KCND2: variants seen among roughly 807,000 people sequenced by gnomAD.
KCND2 encodes the protein A-type voltage-gated potassium channel KCND2.
Under a neutral mutation model 54.4 loss-of-function variants are expected in KCND2, and 16 were observed. The observed-to-expected ratio is 0.29, with a 90% confidence interval of 0.20 to 0.45. KCND2 has a LOEUF of 0.45. KCND2 is among the 20% of genes least tolerant of loss of function. KCND2 has a pLI of 1.00. For missense variants in KCND2, 486 were observed against 824.2 expected, an observed-to-expected ratio of 0.59 and a Z score of 5.02; for synonymous variants, 317 against 310.7, an observed-to-expected ratio of 1.02 and a Z score of -0.21.
At chr7:120,333,559 A>G (rs529861487) in intron 1 of KCND2, among the ~76,000 whole-genome samples, 1 of 152,284 alleles carries the variant, frequency 6.6e-6, no homozygotes, top group Non-Finnish European at 1.5e-5. Context: ...TTTTTGCTGT[A>G]ATGACACAGT....
At chr7:120,732,257 A>G (rs1460552020) in intron 1 of KCND2, among the ~76,000 whole-genome samples, 8 of 152,174 alleles carry the variant, frequency 5.3e-5, no homozygotes, top group African/African-American at 1.9e-4. Context: ...GAGAAGTGGT[A>G]GCCAATGAGA....
chr7:120,327,106 A>G (rs1034545967), intron 1 of KCND2, among the ~76,000 whole-genome samples: 1 of 152,128 alleles, frequency 6.6e-6, no homozygotes, highest in Non-Finnish European at 1.5e-5. Flanking sequence ...AAAGCTTACT[A>G]TATTACTTAA....
At chr7:120,562,076 A>G (rs1208888986) in intron 1 of KCND2, among the ~76,000 whole-genome samples, 9 of 152,220 alleles carry the variant, frequency 5.9e-5, no homozygotes, top group African/African-American at 2.2e-4. Context: ...TTAATGAGTC[A>G]GCATTTGTAA....
intron 1 of KCND2, among the ~76,000 whole-genome samples, chr7:120,620,904 G>T (rs1222284764): frequency 6.6e-6 from 1 of 152,056 alleles, no homozygotes; most frequent in East Asian, 1.9e-4. Context: ...TAATTTAAAG[G>T]CATAAAATAA....
At chr7:120,485,969 C>A (rs1237150345) in intron 1 of KCND2, among the ~76,000 whole-genome samples, 3 of 152,038 alleles carry the variant, frequency 2.0e-5, no homozygotes, top group East Asian at 1.9e-4. Flanking sequence ...ATTCACTCAC[C>A]CAAGAGTTAT....
At chr7:120,746,733 A>C (rs1793012554) in intron 5 of KCND2, 3 of 152,380 alleles carry the variant, frequency 2.0e-5, no homozygotes, top group Middle Eastern at 6.8e-3. Flanking sequence ...ATTAAAAATC[A>C]GTTTCTGCCA....
intron 1 of KCND2, among the ~76,000 whole-genome samples, chr7:120,661,649 C>CAAA (rs796133968): frequency 2.5e-5 from 3 of 121,372 alleles, no homozygotes; most frequent in South Asian, 5.0e-4. Context: ...GACTTCTTCT[C>CAAA]AAAAAAAAAA....
At chr7:120,444,335 G>C (rs997854168) in intron 1 of KCND2, among the ~76,000 whole-genome samples, 37 of 152,082 alleles carry the variant, frequency 2.4e-4, no homozygotes, top group African/African-American at 8.7e-4. Flanking sequence ...CTTTAGTATT[G>C]TTAGTACTTA....
chr7:120,519,656 T>A (rs1791663931), intron 1 of KCND2, among the ~76,000 whole-genome samples: 1 of 152,176 alleles, frequency 6.6e-6, no homozygotes, highest in African/African-American at 2.4e-5. Context: ...TTGTGATAAT[T>A]TGTTATGTCA....
chr7:120,347,698 A>C (rs1800341631), intron 1 of KCND2, among the ~76,000 whole-genome samples: 1 of 151,890 alleles, frequency 6.6e-6, no homozygotes, highest in Non-Finnish European at 1.5e-5. Context: ...CAGAGGTTGC[A>C]GTGAGGAGAG....
chr7:120,457,144 C>T (rs879560654), intron 1 of KCND2, among the ~76,000 whole-genome samples: 10 of 152,252 alleles, frequency 6.6e-5, no homozygotes, highest in Non-Finnish European at 1.0e-4. Flanking sequence ...AGGGGATCCC[C>T]GGGCCTGGCC....
intron 1 of KCND2, among the ~76,000 whole-genome samples, chr7:120,333,284 G>A (rs1484259947): frequency 2.6e-5 from 4 of 151,996 alleles, no homozygotes; most frequent in African/African-American, 9.7e-5. Context: ...AATTGCAAAG[G>A]GCTTACAAAT....
intron 1 of KCND2, among the ~76,000 whole-genome samples, chr7:120,313,774 A>G (rs887405512): frequency 1.3e-5 from 2 of 149,096 alleles, no homozygotes; most frequent in Non-Finnish European, 3.0e-5. Flanking sequence ...TTTAAAGAAC[A>G]GTATCCTTCT....
chr7:120,456,662 A>G (rs893831824), intron 1 of KCND2, among the ~76,000 whole-genome samples: 1 of 152,178 alleles, frequency 6.6e-6, no homozygotes, highest in Non-Finnish European at 1.5e-5. Context: ...TTACTCTGCT[A>G]TTTCACCTTT....
At position 120,274,977 on chromosome 7, in the gene KCND2, CG is replaced by C; in HGVS notation, c.346del (p.Asp116MetfsTer50). On this transcript the variant is annotated frameshift_variant, in exon 1 of 6. Transcript: ENST00000331113. LOFTEE classifies it high-confidence loss of function. ...YPRHECISAY[D>X]EELAFFGLIP... Reference sequence around the variant, plus strand: ...CTCGCCACGAGTGCATCTCTGCTTACGATGAAGAACTGGCCTTCTTTGGCCT... The same window carrying C: ...CTCGCCACGAGTGCATCTCTGCTTACATGAAGAACTGGCCTTCTTTGGCCT... 6.2e-7 allele frequency: 1 copy of C among 1,614,098 alleles called. No individual in the cohort carries two copies. The highest frequency in any genetic ancestry group is 8.5e-7 in the Non-Finnish European group (1 of 1,180,030).
rs571995229 is a variant in KCND2, at chr7:120,691,674, G to A, written c.1116-41229G>A. Among the ~76,000 whole-genome samples, 276 of 152,248 alleles carry A rather than the reference G, an allele frequency of 1.8e-3. 5 individuals are homozygous for A. The highest frequency in any genetic ancestry group is 7.5e-4 in the Non-Finnish European group (51 of 68,026). ...AGTTGGCTATGTGAGTCTAGAACCC[G>A]AGGAAGAGGTCTAACCTGGAGGTAC... On this transcript the variant is annotated intron_variant, in intron 1 of 5. Coordinates refer to ENST00000331113, the MANE Select transcript of KCND2 (RefSeq NM_012281.3).
intron 1 of KCND2, among the ~76,000 whole-genome samples, chr7:120,397,007 A>G (rs1223218773): frequency 6.6e-6 from 1 of 152,048 alleles, no homozygotes; most frequent in East Asian, 1.9e-4. Context: ...AATCTTCCCA[A>G]GTTGTTCCTG....
chr7:120,350,715 A>C (rs1166885158), intron 1 of KCND2, among the ~76,000 whole-genome samples: 1 of 152,204 alleles, frequency 6.6e-6, no homozygotes, highest in African/African-American at 2.4e-5. Context: ...TTTCTAACAC[A>C]GCTCCTTAGT....
At chr7:120,637,833 C>G (rs1793323961) in intron 1 of KCND2, among the ~76,000 whole-genome samples, 1 of 151,964 alleles carries the variant, frequency 6.6e-6, no homozygotes, top group South Asian at 2.1e-4. Context: ...GTTCTAGGAC[C>G]TAGCTTGAAG....
Sources: allele counts gnomAD v4.1 joint callset (sites outside exome capture counted in the v4.1 genomes callset), GRCh38; gene constraint gnomAD v4.1.1; transcripts MANE v1.5; gene names NCBI Gene and HGNC (gene_info 2026-07-23, HGNC 2026-07-21).